NAALAD2: variants seen among roughly 807,000 people sequenced by gnomAD.
The protein encoded by NAALAD2 is N-acetylated-alpha-linked acidic dipeptidase 2.
Under a neutral mutation model 95.6 loss-of-function variants are expected in NAALAD2, and 89 were observed. That is an observed-to-expected ratio of 0.93 (90% confidence interval 0.78 to 1.11). NAALAD2 has a LOEUF of 1.11. Among genes scored for constraint, NAALAD2 ranks in the 50% least tolerant of loss-of-function variants. NAALAD2 has a pLI of 0.00. For synonymous variants in NAALAD2, 264 were observed against 294.4 expected (o/e 0.90, Z 1.06); for missense variants, 894 against 872.4 (o/e 1.02, Z -0.31).
chr11:90,144,255 G>A (rs917827731), intron 2 of NAALAD2, among the ~76,000 whole-genome samples: 12 of 152,218 alleles, frequency 7.9e-5, no homozygotes, highest in Non-Finnish European at 1.6e-4. Context: ...CCTAGAAGGT[G>A]TAGTGGGTGG....
chr11:90,168,519 A>G (rs1462580408), intron 11 of NAALAD2, among the ~76,000 whole-genome samples: 1 of 147,856 alleles, frequency 6.8e-6, no homozygotes, highest in Non-Finnish European at 1.5e-5. Flanking sequence ...AAATAAAATA[A>G]AATAATAAAA....
chr11:90,135,797 T>A, intron 2 of NAALAD2, 127 bp downstream of exon 2: 1 of 72,684 alleles, frequency 1.4e-5, no homozygotes, highest in Non-Finnish European at 2.0e-5. Flanking sequence ...AGTCATCAAC[T>A]TTTTTTTTTT....
At chr11:90,144,743 A>AAAAAAAAAAAAC (rs1419508358) in intron 2 of NAALAD2, among the ~76,000 whole-genome samples, 34 of 150,070 alleles carry the variant, frequency 2.3e-4, no homozygotes, top group African/African-American at 6.9e-4. Flanking sequence ...ACTCCATTAA[A>AAAAAAAAAAAAC]AAAAAAAAAA....
chr11:90,174,946 T>C (rs1952744531), intron 14 of NAALAD2, among the ~76,000 whole-genome samples: 1 of 152,012 alleles, frequency 6.6e-6, no homozygotes, highest in South Asian at 2.1e-4. Flanking sequence ...TGCACAAAAT[T>C]ATTTAAAATA....
chr11:90,137,778 A>G (rs1038153426), intron 2 of NAALAD2, among the ~76,000 whole-genome samples: 2 of 151,512 alleles, frequency 1.3e-5, no homozygotes, highest in African/African-American at 4.9e-5. Context: ...TAATTTTTTT[A>G]TTTTTGTTTA....
At chr11:90,145,822 A>G (rs1156572299) in intron 2 of NAALAD2, among the ~76,000 whole-genome samples, 1 of 152,196 alleles carries the variant, frequency 6.6e-6, no homozygotes, top group Non-Finnish European at 1.5e-5. Flanking sequence ...TATGAGAAAA[A>G]TAAGTATACT....
In NAALAD2 at chr11:90,159,264, G is replaced by A. The variant is rs780072682; in HGVS notation, c.916G>A (p.Asp306Asn). The change falls in exon 8 of 19, where the codon GAT becomes AAT. Residue 306 changes from aspartate (D) to asparagine (N), a missense_variant. Coordinates refer to ENST00000534061, the MANE Select transcript of NAALAD2 (RefSeq NM_005467.4). ...CTACTTGGGAGGAATTGCTCCACCA[G>A]ATAAGAGTTGGAAGGGAGCCCTTAA... ...LRYLGGIAPPDKSWKGALNVS... is the reference protein window; with the variant it reads ...LRYLGGIAPPNKSWKGALNVS... 3.7e-6 allele frequency: 6 copies of A among 1,613,718 alleles called. No individual in the cohort carries two copies. In the South Asian group the frequency reaches 5.5e-5, roughly 15 times the overall value.
intron 2 of NAALAD2, 97 bp downstream of exon 2, chr11:90,135,767 T>C: frequency 1.1e-6 from 1 of 920,732 alleles, no homozygotes; most frequent in South Asian, 2.3e-5. Context: ...GACAGTCTTC[T>C]CTGTGTGAAA....
In NAALAD2 at chr11:90,147,418, C is replaced by T; in HGVS notation, c.283C>T (p.Leu95=). The change falls in exon 3 of 19, where the codon CTA becomes TTA. Residue 95 remains leucine, a synonymous_variant. Transcript: ENST00000534061. ...KIQTQWKKFG[L]DSAKLVHYDV... is the part of the protein sequence containing the mutation. ...CCAAACCCAGTGGAAGAAATTTGGACTAGATTCAGCCAAGTTGGTTCATTA... is the reference window on the plus strand; with the variant it reads ...CCAAACCCAGTGGAAGAAATTTGGATTAGATTCAGCCAAGTTGGTTCATTA... The T allele has an allele frequency of 6.2e-7, 1 of 1,613,934 alleles. No homozygotes were observed. The highest frequency in any genetic ancestry group is 8.5e-7 in the Non-Finnish European group (1 of 1,179,908).
chr11:90,151,963 T>A (rs1951898895), intron 5 of NAALAD2, among the ~76,000 whole-genome samples: 1 of 152,162 alleles, frequency 6.6e-6, no homozygotes, highest in Non-Finnish European at 1.5e-5. Context: ...ATAGGAGAGA[T>A]AGATATTTAA....
rs748192822 is a variant in NAALAD2, at chr11:90,181,613, A to T, written c.1859-7A>T. On this transcript the variant is annotated splice_polypyrimidine_tract_variant and splice_region_variant and intron_variant, in intron 16 of 18. Coordinates refer to ENST00000534061, the MANE Select transcript of NAALAD2 (RefSeq NM_005467.4). Reference sequence around the variant, plus strand: ...ATTTCTCTTCTTCTTTTCTATTTTTAAAAAAGACTCCTTATTTTCTGCTGT... The same window carrying T: ...ATTTCTCTTCTTCTTTTCTATTTTTTAAAAAGACTCCTTATTTTCTGCTGT... 2 of 1,576,294 alleles carry T rather than the reference A, an allele frequency of 1.3e-6. No homozygotes were observed. The highest frequency in any genetic ancestry group is 1.7e-5 in the Admixed American group (1 of 57,368).
intron 18 of NAALAD2, among the ~76,000 whole-genome samples, chr11:90,183,240 T>C (rs1857020760): frequency 6.6e-6 from 1 of 152,120 alleles, no homozygotes; most frequent in African/African-American, 2.4e-5. Context: ...AAAAGAACTC[T>C]TTCTAACAAA....
chr11:90,145,008 A>G (rs1951716245), intron 2 of NAALAD2, among the ~76,000 whole-genome samples: 2 of 152,046 alleles, frequency 1.3e-5, no homozygotes, highest in South Asian at 2.1e-4. Context: ...AGTAAAGGTT[A>G]CCTTCCTCCC....
Position 90,163,382 on chromosome 11 carries a change from C to T in NAALAD2, c.1148C>T (p.Ala383Val). 1 of 1,614,022 alleles carries T rather than the reference C, an allele frequency of 6.2e-7. No homozygotes were observed. The highest frequency in any genetic ancestry group is 8.5e-7 in the Non-Finnish European group (1 of 1,179,912). Residue 383 changes from alanine (A) to valine (V), a missense_variant, in exon 10 of 19, where the codon GCT becomes GTT. Transcript: ENST00000534061. ...FGAIDPTSGVAVLQEIARSFG... is the reference protein window; with the variant it reads ...FGAIDPTSGVVVLQEIARSFG... ...GCTATTGACCCAACCAGTGGGGTTGCTGTTTTGCAAGAAATTGCCCGGAGT... is the reference window on the plus strand; with the variant it reads ...GCTATTGACCCAACCAGTGGGGTTGTTGTTTTGCAAGAAATTGCCCGGAGT...
At chr11:90,180,650 T>C (rs1187057918) in intron 16 of NAALAD2, among the ~76,000 whole-genome samples, 1 of 152,038 alleles carries the variant, frequency 6.6e-6, no homozygotes, top group East Asian at 1.9e-4. Flanking sequence ...CACCACAGGA[T>C]TGATGCAAGC....
At position 90,172,462 on chromosome 11, in the gene NAALAD2, TA is replaced by T. The variant is rs547552429; in HGVS notation, c.1411-1359del. Among the ~76,000 whole-genome samples, 208 of 152,296 alleles carry T rather than the reference TA, an allele frequency of 1.4e-3. 1 individual carries two copies. Among genetic ancestry groups the T allele is most frequent in the African/African-American group, 4.9e-3 (205 of 41,578 alleles). The stretch of plus-strand genomic sequence containing the variant: ...AGTAGACACAACACATTTGTGCCTC[TA>T]AATAAGTGGGGTGAGATTGAAACAG... On this transcript the variant is annotated intron_variant, in intron 13 of 18. Coordinates refer to ENST00000534061, the MANE Select transcript of NAALAD2 (RefSeq NM_005467.4).
chr11:90,135,636 G>T lies in NAALAD2; in HGVS notation c.160G>T (p.Glu54Ter), dbSNP rs773341106. 1 of 1,613,194 alleles carries T rather than the reference G, an allele frequency of 6.2e-7. No homozygotes were observed. The highest frequency in any genetic ancestry group is 1.7e-5 in the Admixed American group (1 of 59,860). ...HQSIRWKLVS[E>*]MKAENIKSFL... ...AAGTATACGGTGGAAACTGGTATCCGAAATGAAAGCTGAAAACATCAAATC... is the reference window on the plus strand; with the variant it reads ...AAGTATACGGTGGAAACTGGTATCCTAAATGAAAGCTGAAAACATCAAATC... Residue 54 changes from glutamate (E) to a stop codon, truncating the protein, a stop_gained, in exon 2 of 19, where the codon GAA (glutamate) becomes TAA (stop). Coordinates refer to ENST00000534061, the MANE Select transcript of NAALAD2 (RefSeq NM_005467.4). LOFTEE classifies it high-confidence loss of function.
At chr11:90,171,071 C>G (rs1466298738) in intron 13 of NAALAD2, among the ~76,000 whole-genome samples, 1 of 152,098 alleles carries the variant, frequency 6.6e-6, no homozygotes, top group Non-Finnish European at 1.5e-5. Context: ...GCTAATCTCC[C>G]AGTAATTTAT....
rs181635905 is a variant in NAALAD2, at chr11:90,150,993, A to G, written c.609+386A>G. Reference sequence around the variant, plus strand: ...GTCCCTATATGTCCATTTTACATATATTTATTTATTTACTTTTACATTGTA... The same window carrying G: ...GTCCCTATATGTCCATTTTACATATGTTTATTTATTTACTTTTACATTGTA... On this transcript the variant is annotated intron_variant, in intron 5 of 18. Coordinates refer to ENST00000534061, the MANE Select transcript of NAALAD2 (RefSeq NM_005467.4). Among the ~76,000 whole-genome samples, 220 of 152,134 alleles carry G rather than the reference A, an allele frequency of 1.4e-3. 1 individual carries two copies. Among genetic ancestry groups the G allele is most frequent in the Non-Finnish European group, 2.8e-3 (191 of 67,978 alleles).
Sources: allele counts gnomAD v4.1 joint callset (sites outside exome capture counted in the v4.1 genomes callset), GRCh38; gene constraint gnomAD v4.1.1; transcripts MANE v1.5; gene names NCBI Gene and HGNC (gene_info 2026-07-23, HGNC 2026-07-21).